RYR2: variants seen among roughly 807,000 people sequenced by gnomAD.
RYR2 encodes cardiac muscle ryanodine receptor-calcium release channel.
In RYR2, 227 loss-of-function variants were observed where a neutral mutation model predicts 601.1. That is an observed-to-expected ratio of 0.38 (90% CI 0.34 to 0.42). RYR2 has a LOEUF of 0.42. Among genes scored for constraint, RYR2 ranks in the 10% least tolerant of loss-of-function variants. The probability of loss-of-function intolerance (pLI) is 1.00; values close to 1 mark genes in which losing one functional copy is unlikely to be tolerated. For synonymous variants in RYR2, 2,223 were observed against 2,175.1 expected (o/e 1.02, Z -0.61); for missense variants, 4,646 against 6,156.5 (o/e 0.75, Z 8.21).
intron 23 of RYR2, among the ~76,000 whole-genome samples, chr1:237,508,634 A>G (rs892332478): frequency 6.6e-6 from 1 of 151,948 alleles, no homozygotes; most frequent in Non-Finnish European, 1.5e-5. Flanking sequence ...AACTGACTAA[A>G]ATATAAAGTC....
At chr1:237,664,414 C>A (rs1421674138) in intron 56 of RYR2, among the ~76,000 whole-genome samples, 2 of 152,166 alleles carry the variant, frequency 1.3e-5, no homozygotes, top group Non-Finnish European at 2.9e-5. Flanking sequence ...TGAAACTGGG[C>A]AAATTTCAAA....
intron 29 of RYR2, among the ~76,000 whole-genome samples, chr1:237,584,315 A>G (rs1559066193): frequency 6.6e-6 from 1 of 152,116 alleles, no homozygotes; most frequent in African/African-American, 2.4e-5. Context: ...TCATTTACCA[A>G]CCTGTTTTGT....
chr1:237,172,412 C>A (rs796125111), intron 1 of RYR2, among the ~76,000 whole-genome samples: 38 of 152,034 alleles, frequency 2.5e-4, no homozygotes, highest in African/African-American at 8.9e-4. Context: ...AATTATGTCA[C>A]CTTGCTTGTT....
intron 12 of RYR2, among the ~76,000 whole-genome samples, chr1:237,436,356 C>A (rs937686220): frequency 1.3e-5 from 2 of 151,482 alleles, no homozygotes; most frequent in African/African-American, 4.9e-5. Context: ...CCCTCATAGA[C>A]CCCTTCAGCA....
intron 1 of RYR2, among the ~76,000 whole-genome samples, chr1:237,250,111 CTG>C (rs1687298491): frequency 6.6e-6 from 1 of 152,188 alleles, no homozygotes; most frequent in African/African-American, 2.4e-5. Context: ...TGAAGGTAAA[CTG>C]AATGGCAGAT....
chr1:237,063,890 C>G (rs867701790), intron 1 of RYR2, among the ~76,000 whole-genome samples: 1 of 152,154 alleles, frequency 6.6e-6, no homozygotes, highest in African/African-American at 2.4e-5. Context: ...CCCGACCCCA[C>G]CCCCAGCAAT....
intron 38 of RYR2, among the ~76,000 whole-genome samples, chr1:237,621,633 G>A (rs1177355605): frequency 1.3e-5 from 2 of 152,018 alleles, no homozygotes; most frequent in East Asian, 1.9e-4. Context: ...TTGAAATAAC[G>A]ATAAGTAGAT....
intron 35 of RYR2, among the ~76,000 whole-genome samples, chr1:237,609,033 T>C (rs1677489526): frequency 6.9e-6 from 1 of 144,166 alleles, no homozygotes. Context: ...CTTCCCTCCC[T>C]CCCTTCCTTC....
intron 10 of RYR2, among the ~76,000 whole-genome samples, chr1:237,405,434 A>T (rs188205402): frequency 1.3e-5 from 2 of 152,330 alleles, no homozygotes; most frequent in African/African-American, 4.8e-5. Flanking sequence ...TCAACGATGA[A>T]CTTTGTGAAT....
intron 1 of RYR2, among the ~76,000 whole-genome samples, chr1:237,157,295 C>CAAAAAAAAAAAAAAAAAAAAAAAAAA (rs33922740): frequency 1.6e-4 from 10 of 63,510 alleles, no homozygotes; most frequent in East Asian, 6.6e-4. Flanking sequence ...GACTCCATCT[C>CAAAAAAAAAAAAAAAAAAAAAAAAAA]AAAAAAAAAA....
intron 1 of RYR2, among the ~76,000 whole-genome samples, chr1:237,064,548 A>G (rs1185386495): frequency 2.6e-5 from 4 of 152,126 alleles, no homozygotes; most frequent in African/African-American, 7.2e-5. Context: ...AAGAAAAGAT[A>G]TAGAGGTTCT....
At chr1:237,580,429 T>C (rs574645555) in intron 29 of RYR2, among the ~76,000 whole-genome samples, 3 of 151,120 alleles carry the variant, frequency 2.0e-5, no homozygotes, top group Non-Finnish European at 2.9e-5. Flanking sequence ...GGTGTTGGGA[T>C]TACAGGCGTG....
intron 1 of RYR2, among the ~76,000 whole-genome samples, chr1:237,243,351 C>A (rs1157359859): frequency 2.6e-5 from 4 of 152,118 alleles, no homozygotes; most frequent in Non-Finnish European, 5.9e-5. Context: ...GTTCCCATGA[C>A]CCCCTGTTTG....
At chr1:237,792,031 A>T in intron 93 of RYR2, 74 bp from the exon 94 acceptor site, 1 of 1,077,144 alleles carries the variant, frequency 9.3e-7, no homozygotes, top group South Asian at 1.4e-5. Flanking sequence ...AAAAGGCTGT[A>T]TTTCTTTTGT....
intron 1 of RYR2, among the ~76,000 whole-genome samples, chr1:237,266,798 T>C (rs1689106013): frequency 6.6e-6 from 1 of 151,912 alleles, no homozygotes; most frequent in South Asian, 2.1e-4. Flanking sequence ...AGCAGAGCTC[T>C]CCTGAACTGA....
At chr1:237,617,243 G>T in intron 37 of RYR2, 43 bp from the exon 38 acceptor site, 2 of 1,506,888 alleles carry the variant, frequency 1.3e-6, no homozygotes, top group Non-Finnish European at 1.8e-6. Context: ...CATTATTAAA[G>T]GATTTAGAAA....
At chr1:237,658,622 T>C (rs1314679346) in intron 54 of RYR2, among the ~76,000 whole-genome samples, 2 of 152,160 alleles carry the variant, frequency 1.3e-5, no homozygotes, top group South Asian at 2.1e-4. Context: ...CCAACTGTTG[T>C]TGGCCTCAAG....
chr1:237,630,769 A>C (rs913318589), intron 41 of RYR2, among the ~76,000 whole-genome samples: 1 of 152,168 alleles, frequency 6.6e-6, no homozygotes. Flanking sequence ...TATTACAAGA[A>C]TATGTAATGC....
chr1:237,311,277 G>A (rs1424726415), intron 2 of RYR2, among the ~76,000 whole-genome samples: 1 of 152,028 alleles, frequency 6.6e-6, no homozygotes, highest in Non-Finnish European at 1.5e-5. Flanking sequence ...GCTACACTAT[G>A]AGCTCAAAAA....
Sources: gnomAD v4.1 joint callset for allele counts (sites outside exome capture counted in the v4.1 genomes callset) on GRCh38, gnomAD v4.1.1 for gene constraint, MANE v1.5 for transcripts, NCBI Gene and HGNC (gene_info 2026-07-23, HGNC 2026-07-21) for gene names.